ABLIM2: variants seen among roughly 807,000 people sequenced by gnomAD.
ABLIM2 encodes actin binding LIM protein family member 2.
In ABLIM2, 53 loss-of-function variants were observed where a neutral mutation model predicts 97.7. That is an observed-to-expected ratio of 0.54 (90% CI 0.44 to 0.68). The LOEUF (loss-of-function observed/expected upper bound fraction) is 0.68, where lower values mean the gene tolerates loss of function less well. Among genes scored for constraint, ABLIM2 ranks in the 30% least tolerant of loss-of-function variants. ABLIM2 has a pLI of 0.00. For missense variants in ABLIM2, 835 were observed against 867.2 expected (o/e 0.96, Z 0.47); for synonymous variants, 361 against 345.8 (o/e 1.04, Z -0.49).
At chr4:8,007,401 GA>G in intron 16 of ABLIM2, 2 of 985,458 alleles carry the variant, frequency 2.0e-6, no homozygotes, top group Non-Finnish European at 2.4e-6. Flanking sequence ...CTTGCCCAAT[GA>G]AAACTGCCCC....
intron 14 of ABLIM2, among the ~76,000 whole-genome samples, chr4:8,013,091 C>G (rs1766167687): frequency 6.6e-6 from 1 of 152,126 alleles, no homozygotes; most frequent in Non-Finnish European, 1.5e-5. Context: ...CTATACATAA[C>G]AAGAACTTTG....
At position 8,113,596 on chromosome 4, in the gene ABLIM2, C is replaced by A. The variant is rs1385448595; in HGVS notation, c.11-6959G>T. On this transcript the variant is annotated intron_variant, in intron 1 of 20. Coordinates refer to ENST00000447017, the MANE Select transcript of ABLIM2 (RefSeq NM_001130083.2). This position sits in a 1 kb window ranked among gnomAD's most constrained non-coding sequence, Gnocchi z 4.5. ...TCCACCTTGAGAATGGGCAGGGGACCCCCTTGTGTACTCACACAGGGGAAA... is the reference window on the plus strand; with the variant it reads ...TCCACCTTGAGAATGGGCAGGGGACACCCTTGTGTACTCACACAGGGGAAA... 6.6e-6 allele frequency among the ~76,000 whole-genome samples: 1 copy of A among 152,120 alleles called. No homozygotes were observed. The highest frequency in any genetic ancestry group is 2.4e-5 in the African/African-American group (1 of 41,424).
At chr4:8,031,066 T>C (rs1434240341) in intron 10 of ABLIM2, among the ~76,000 whole-genome samples, 2 of 152,318 alleles carry the variant, frequency 1.3e-5, no homozygotes, top group South Asian at 2.1e-4. Flanking sequence ...TGTCAGGACC[T>C]GGGGAGGGCC....
chr4:8,154,272 T>C (rs1240231117), intron 1 of ABLIM2, among the ~76,000 whole-genome samples: 1 of 92,072 alleles, frequency 1.1e-5, no homozygotes, highest in Non-Finnish European at 2.6e-5. Context: ...ACTTATTTTC[T>C]TTTCTTTTCT....
At position 8,071,693 on chromosome 4, in the gene ABLIM2, A is replaced by AC; in HGVS notation, c.675+5934dup. ...ACACCTGACTGCTCTGTCCCCAAAA[A>AC]CCCACCCACCCGCAGCCCCTCCTGG... On this transcript the variant is annotated intron_variant, in intron 6 of 20. Transcript: ENST00000447017. The surrounding 1 kb of genome is among the most constrained non-coding windows in gnomAD (Gnocchi z 6.2). 3.4e-5 allele frequency: 28 copies of AC among 819,818 alleles called. No homozygotes were observed. Among genetic ancestry groups the AC allele is most frequent in the Non-Finnish European group, 3.8e-5 (26 of 679,280 alleles). The allele number at this position is 819,818 out of a possible 1,614,324, so 50.8% of individuals were successfully genotyped here.
At position 8,148,851 on chromosome 4, in the gene ABLIM2, A is replaced by G. The variant is rs535652817; in HGVS notation, c.10+9829T>C. 1.3e-5 allele frequency among the ~76,000 whole-genome samples: 2 copies of G among 152,150 alleles called. No individual in the cohort carries two copies. Among genetic ancestry groups the G allele is most frequent in the South Asian group, 2.1e-4 (1 of 4,794 alleles). ...CCCACCTCTCCATGAGACCACCCCT[A>G]TCTCCTCCCAGAGCTGCTGATGTAC... is the stretch of plus-strand genomic sequence containing the variant. On this transcript the variant is annotated intron_variant, in intron 1 of 20. Coordinates refer to ENST00000447017, the MANE Select transcript of ABLIM2 (RefSeq NM_001130083.2). This position sits in a 1 kb window ranked among gnomAD's most constrained non-coding sequence, Gnocchi z 6.7.
intron 10 of ABLIM2, among the ~76,000 whole-genome samples, chr4:8,030,966 C>A (rs375873194): frequency 6.6e-6 from 1 of 152,210 alleles, no homozygotes; most frequent in African/African-American, 2.4e-5. Context: ...CCTCTACCAT[C>A]CCCCAGCACT....
rs753506118 is a variant in ABLIM2, at chr4:7,998,082, T to C, written c.1619-5155A>G. Reference sequence around the variant, plus strand: ...TTTTAGTAGAGACGGGGTTTCTCCATGTTGATCGGGCTCGTCTTCAACTCC... The same window carrying C: ...TTTTAGTAGAGACGGGGTTTCTCCACGTTGATCGGGCTCGTCTTCAACTCC... On this transcript the variant is annotated intron_variant, in intron 16 of 20. Coordinates refer to ENST00000447017, the MANE Select transcript of ABLIM2 (RefSeq NM_001130083.2). This position sits in a 1 kb window ranked among gnomAD's most constrained non-coding sequence, Gnocchi z 6.4. Among the ~76,000 whole-genome samples, 2 of 152,046 alleles carry C rather than the reference T, an allele frequency of 1.3e-5. No homozygotes were observed. The highest frequency in any genetic ancestry group is 2.9e-5 in the Non-Finnish European group (2 of 68,014).
In ABLIM2 at chr4:8,113,755, G is replaced by T. The variant is rs1841457869; in HGVS notation, c.11-7118C>A. On this transcript the variant is annotated intron_variant, in intron 1 of 20. Transcript: ENST00000447017. This position sits in a 1 kb window ranked among gnomAD's most constrained non-coding sequence, Gnocchi z 4.5. ...TGGGGTTTCCAAATGTCCTAAGGAT[G>T]TTCTAATAATATTCAGTTTTCTAAG... Among the ~76,000 whole-genome samples the T allele has an allele frequency of 6.6e-6, 1 of 152,190 alleles. No homozygotes were observed. Among genetic ancestry groups the T allele is most frequent in the Non-Finnish European group, 1.5e-5 (1 of 68,034 alleles).
chr4:8,039,074 G>A (rs1786412387), intron 9 of ABLIM2, among the ~76,000 whole-genome samples: 1 of 152,162 alleles, frequency 6.6e-6, no homozygotes, highest in South Asian at 2.1e-4. Flanking sequence ...CATCTGTTGA[G>A]TTGTCCCTTA....
intron 1 of ABLIM2, among the ~76,000 whole-genome samples, chr4:8,116,288 T>G (rs1213794664): frequency 6.6e-6 from 1 of 152,248 alleles, no homozygotes; most frequent in Non-Finnish European, 1.5e-5. Flanking sequence ...GCAAAGCTTT[T>G]GCTCACATCG....
intron 6 of ABLIM2, among the ~76,000 whole-genome samples, chr4:8,066,295 G>T (rs1209149942): frequency 2.2e-5 from 3 of 135,692 alleles, no homozygotes; most frequent in African/African-American, 8.2e-5. Flanking sequence ...AACAGAGAGA[G>T]ACTATGTCTC....
intron 20 of ABLIM2, among the ~76,000 whole-genome samples, chr4:7,974,626 C>T (rs1174538185): frequency 4.0e-5 from 6 of 151,054 alleles, no homozygotes; most frequent in African/African-American, 9.7e-5. Context: ...TCCATCCATC[C>T]ACCCATCCAT....
chr4:8,152,398 C>T (rs988021781), intron 1 of ABLIM2, among the ~76,000 whole-genome samples: 8 of 152,126 alleles, frequency 5.3e-5, no homozygotes, highest in South Asian at 4.1e-4. Context: ...TGCCACCGGC[C>T]GCTCCGAGCA....
At chr4:8,107,081 A>T (rs554720270) in intron 1 of ABLIM2, among the ~76,000 whole-genome samples, 1 of 152,216 alleles carries the variant, frequency 6.6e-6, no homozygotes, top group East Asian at 1.9e-4. Flanking sequence ...AGGGACCAAC[A>T]TCCTCTCTTC....
chr4:8,129,297 C>T (rs1849015478), intron 1 of ABLIM2, among the ~76,000 whole-genome samples: 3 of 152,174 alleles, frequency 2.0e-5, no homozygotes, highest in Admixed American at 2.0e-4. Context: ...ACTCAAATCC[C>T]CTGCACAAGT....
In ABLIM2 at chr4:7,992,761, C is replaced by T. The variant is rs1337797387; in HGVS notation, c.1680+105G>A. 3 of 1,312,240 alleles carry T rather than the reference C, an allele frequency of 2.3e-6. No individual in the cohort carries two copies. Among genetic ancestry groups the T allele is most frequent in the Non-Finnish European group, 2.1e-6 (2 of 933,038 alleles). 81.3% of individuals were successfully genotyped at this position (1,312,240 alleles called of 1,614,324 possible). On this transcript the variant is annotated intron_variant, in intron 17 of 20. Transcript: ENST00000447017. The surrounding 1 kb of genome is among the most constrained non-coding windows in gnomAD (Gnocchi z 5.7). ...GGCAGAGGCAGGTGGGCCGCGGGGT[C>T]CCCGGGGCCTCTCCTCCTGCTGTGT...
At chr4:8,091,186 C>T (rs1827154813) in intron 3 of ABLIM2, among the ~76,000 whole-genome samples, 1 of 144,570 alleles carries the variant, frequency 6.9e-6, no homozygotes, top group Non-Finnish European at 1.5e-5. Context: ...GGCGTAATGG[C>T]ATTTCTTTGT....
At chr4:8,049,547 C>T (rs1213725907) in intron 8 of ABLIM2, among the ~76,000 whole-genome samples, 1 of 152,154 alleles carries the variant, frequency 6.6e-6, no homozygotes, top group Non-Finnish European at 1.5e-5. Flanking sequence ...CTTTGGAATT[C>T]AGGAAAAGCT....
Sources: allele counts gnomAD v4.1 joint callset (sites outside exome capture counted in the v4.1 genomes callset), GRCh38; gene constraint gnomAD v4.1.1; non-coding constraint Gnocchi (gnomAD v3.1); transcripts MANE v1.5; gene names NCBI Gene and HGNC (gene_info 2026-07-23, HGNC 2026-07-21).